The following CREBBP variants were observed in gnomAD, a reference collection of about 807,000 sequenced individuals.
CREBBP encodes CREB binding lysine acetyltransferase.
CREBBP carries 19 observed loss-of-function variants against 265.0 expected under a neutral mutation model. That is an observed-to-expected ratio of 0.07 (90% CI 0.05 to 0.11). The LOEUF (loss-of-function observed/expected upper bound fraction) is 0.11, where lower values mean the gene tolerates loss of function less well. CREBBP is among the 10% of genes least tolerant of loss of function. The pLI is 1.00. For missense variants in CREBBP, 2,525 were observed against 3,219.0 expected, an observed-to-expected ratio of 0.78 and a Z score of 5.22; for synonymous variants, 1,457 against 1,223.7, an observed-to-expected ratio of 1.19 and a Z score of -3.98.
At chr16:3,858,763 A>C (rs2055013701) in intron 1 of CREBBP, among the ~76,000 whole-genome samples, 1 of 152,222 alleles carries the variant, frequency 6.6e-6, no homozygotes, top group South Asian at 2.1e-4. Flanking sequence ...TTTCTCTTTA[A>C]GACTTTTTCC....
intron 1 of CREBBP, among the ~76,000 whole-genome samples, chr16:3,854,349 G>A (rs1258401367): frequency 2.0e-5 from 3 of 152,178 alleles, no homozygotes; most frequent in South Asian, 2.1e-4. Context: ...CTGTAGCCAG[G>A]AGAGCAGACA....
chr16:3,760,398 T>TTTTTG, intron 16 of CREBBP, among the ~76,000 whole-genome samples: 1 of 110,596 alleles, frequency 9.0e-6, no homozygotes, highest in East Asian at 3.5e-4. Flanking sequence ...CAGGTTTTTT[T>TTTTTG]TTTTTTTTTT....
chr16:3,833,089 C>A (rs1433576619), intron 2 of CREBBP, among the ~76,000 whole-genome samples: 1 of 152,140 alleles, frequency 6.6e-6, no homozygotes, highest in Non-Finnish European at 1.5e-5. Context: ...ATGAATAAGA[C>A]AAGGGAAGAA....
At chr16:3,835,333 G>A (rs1469120733) in intron 2 of CREBBP, among the ~76,000 whole-genome samples, 1 of 151,904 alleles carries the variant, frequency 6.6e-6, no homozygotes, top group Non-Finnish European at 1.5e-5. Flanking sequence ...TTCCATCCCA[G>A]ATTGTTTTCT....
chr16:3,748,760 G>C (rs2052406134), intron 21 of CREBBP, among the ~76,000 whole-genome samples: 1 of 152,196 alleles, frequency 6.6e-6, no homozygotes, highest in Non-Finnish European at 1.5e-5. Flanking sequence ...CCTGGGAAGA[G>C]GCTACCACAC....
intron 2 of CREBBP, among the ~76,000 whole-genome samples, chr16:3,822,454 C>T (rs2054159533): frequency 6.6e-6 from 1 of 152,162 alleles, no homozygotes; most frequent in Admixed American, 6.6e-5. Flanking sequence ...TGTGTTCCTC[C>T]TCTACTTTGG....
chr16:3,751,520 T>C (rs1348030949), intron 20 of CREBBP, among the ~76,000 whole-genome samples: 1 of 152,082 alleles, frequency 6.6e-6, no homozygotes, highest in Non-Finnish European at 1.5e-5. Flanking sequence ...TGAACCCAAG[T>C]GGTCAAGGCT....
At chr16:3,815,104 A>G (rs1428000198) in intron 2 of CREBBP, among the ~76,000 whole-genome samples, 3 of 152,260 alleles carry the variant, frequency 2.0e-5, no homozygotes, top group African/African-American at 7.2e-5. Flanking sequence ...TCTATTCTCC[A>G]TTAATCAAAC....
chr16:3,766,451 T>C (rs188886395), intron 16 of CREBBP, among the ~76,000 whole-genome samples: 1 of 152,202 alleles, frequency 6.6e-6, no homozygotes. Flanking sequence ...TTTGGAAAAA[T>C]TGTTTTTCAT....
intron 3 of CREBBP, among the ~76,000 whole-genome samples, chr16:3,799,950 T>G (rs916947770): frequency 6.6e-6 from 1 of 152,140 alleles, no homozygotes; most frequent in Non-Finnish European, 1.5e-5. Flanking sequence ...GGGGGGAAAT[T>G]CCCGAGAAAA....
At chr16:3,857,393 A>C (rs767872764) in intron 1 of CREBBP, among the ~76,000 whole-genome samples, 1 of 152,212 alleles carries the variant, frequency 6.6e-6, no homozygotes, top group South Asian at 2.1e-4. Flanking sequence ...AAAAGGCAAG[A>C]TAGGGCGCAC....
chr16:3,818,181 G>A (rs1015704843), intron 2 of CREBBP, among the ~76,000 whole-genome samples: 1 of 152,190 alleles, frequency 6.6e-6, no homozygotes, highest in African/African-American at 2.4e-5. Context: ...GTGACCAATG[G>A]GGGGCCGGGG....
rs558444126 is a variant in CREBBP, at chr16:3,846,823, A to G, written c.798+3474T>C. Among the ~76,000 whole-genome samples, 5 of 152,346 alleles carry G rather than the reference A, an allele frequency of 3.3e-5. No homozygotes were observed. The East Asian group carries it at 9.6e-4, about 29-fold the overall frequency. On this transcript the variant is annotated intron_variant, in intron 2 of 30. Transcript: ENST00000262367. ...GCATACATCATCACTGGCAGGACAG[A>G]TAAGAAATAATAGTTGCCTTTGGTG...
At chr16:3,733,737 G>A (rs1430570743) in intron 28 of CREBBP, among the ~76,000 whole-genome samples, 7 of 152,152 alleles carry the variant, frequency 4.6e-5, no homozygotes, top group Admixed American at 4.6e-4. Context: ...TGCCTCCCGG[G>A]TTCAAGTGAT....
chr16:3,763,804 G>A (rs2052780506), intron 16 of CREBBP, among the ~76,000 whole-genome samples: 1 of 150,368 alleles, frequency 6.7e-6, no homozygotes, highest in Non-Finnish European at 1.5e-5. Flanking sequence ...TTTGCCTTTT[G>A]CACTATGTTG....
At chr16:3,749,734 A>C (rs2052430946) in intron 20 of CREBBP, 51 bp from the exon 21 acceptor site, 1 of 1,216,434 alleles carries the variant, frequency 8.2e-7, no homozygotes, top group Admixed American at 1.9e-5. Flanking sequence ...TTATCTGTTG[A>C]GTATAAACTA....
intron 1 of CREBBP, among the ~76,000 whole-genome samples, chr16:3,855,485 G>A (rs1438060862): frequency 1.3e-5 from 2 of 152,126 alleles, no homozygotes; most frequent in Admixed American, 6.5e-5. Context: ...GGCTGGTTTC[G>A]AACTTCTGAC....
At chr16:3,879,512 G>A (rs116581145) in intron 1 of CREBBP, among the ~76,000 whole-genome samples, 3,054 of 152,242 alleles carry the variant, frequency 0.02, 104 homozygotes, top group African/African-American at 0.07. Context: ...GGCCGCGGAT[G>A]GATGCGTAGG....
At chr16:3,838,870 T>C (rs907513953) in intron 2 of CREBBP, among the ~76,000 whole-genome samples, 1 of 152,252 alleles carries the variant, frequency 6.6e-6, no homozygotes, top group South Asian at 2.1e-4. Flanking sequence ...TACCAAAAAA[T>C]GTTTTCGGAA....
Sources: allele counts gnomAD v4.1 joint callset (sites outside exome capture counted in the v4.1 genomes callset), GRCh38; gene constraint gnomAD v4.1.1; transcripts MANE v1.5; gene names NCBI Gene and HGNC (gene_info 2026-07-23, HGNC 2026-07-21).